Variants in KCNK3 observed in about 807,000 individuals in gnomAD.
The protein encoded by KCNK3 is potassium two pore domain channel subfamily K member 3.
In KCNK3, 9 loss-of-function variants were observed where a neutral mutation model predicts 27.3. The observed-to-expected ratio is 0.33, with a 90% CI of 0.20 to 0.57. The LOEUF is 0.57. Among genes scored for constraint, KCNK3 ranks in the 20% least tolerant of loss-of-function variants. KCNK3 has a pLI of 0.87. For synonymous variants in KCNK3, 278 were observed against 273.8 expected (o/e 1.02, Z -0.15); for missense variants, 391 against 577.7 (o/e 0.68, Z 3.31).
chr2:26,693,002 CTGCGGCAG>C lies in KCNK3; in HGVS notation c.128_135del (p.Leu43ProfsTer592). 1 of 1,577,560 alleles carries C rather than the reference CTGCGGCAG, an allele frequency of 6.3e-7. No individual in the cohort carries two copies. Among genetic ancestry groups the C allele is most frequent in the Non-Finnish European group, 8.6e-7 (1 of 1,167,278 alleles). ...GCTGATCGAGCGGCAGCGGCTGGAGCTGCGGCAGCAGGAGCTGCGGGCGCGCTACAACC... is the reference window on the plus strand; with the variant it reads ...GCTGATCGAGCGGCAGCGGCTGGAGCCAGGAGCTGCGGGCGCGCTACAACC... On this transcript the variant is annotated frameshift_variant, in exon 1 of 2. Transcript: ENST00000302909. LOFTEE classifies it high-confidence loss of function. This position sits in a 1 kb window ranked among gnomAD's most constrained non-coding sequence, Gnocchi z 5.5.
chr2:26,699,105 G>A (rs1298187810), intron 1 of KCNK3, among the ~76,000 whole-genome samples: 1 of 151,536 alleles, frequency 6.6e-6, no homozygotes, highest in Admixed American at 6.6e-5. Context: ...TTAAACCTGG[G>A]AGGCAGAGGT....
intron 1 of KCNK3, among the ~76,000 whole-genome samples, chr2:26,695,378 C>T (rs559712137): frequency 4.6e-5 from 7 of 152,212 alleles, no homozygotes; most frequent in African/African-American, 1.4e-4. Flanking sequence ...TGAGCCACTG[C>T]GCCTGGCTCT....
intron 1 of KCNK3, among the ~76,000 whole-genome samples, chr2:26,703,138 G>A (rs975374011): frequency 2.0e-5 from 3 of 152,068 alleles, no homozygotes; most frequent in Non-Finnish European, 2.9e-5. Context: ...AGGGCAGGCC[G>A]GAGCTCTCTT....
At chr2:26,716,536 T>C (rs1219175907) in intron 1 of KCNK3, among the ~76,000 whole-genome samples, 1 of 152,004 alleles carries the variant, frequency 6.6e-6, no homozygotes, top group Admixed American at 6.6e-5. Flanking sequence ...GGGGTGACTT[T>C]TGAAATGGGC....
Position 26,723,799 on chromosome 2 carries a change from C to T in KCNK3, c.284-3868C>T, listed in dbSNP as rs112721356. 8.1e-3 allele frequency among the ~76,000 whole-genome samples: 1,235 copies of T among 152,180 alleles called. 16 individuals are homozygous for T. The highest frequency in any genetic ancestry group is 0.028 in the African/African-American group (1,171 of 41,496). On this transcript the variant is annotated intron_variant, in intron 1 of 1. Transcript: ENST00000302909. The stretch of plus-strand genomic sequence containing the variant: ...AGGGAGAGGAGGCTGGGAGAGGAGG[C>T]GGTATGGATAGTCCTGGTAGTTTTC...
At chr2:26,701,641 T>C (rs1474322072) in intron 1 of KCNK3, among the ~76,000 whole-genome samples, 2 of 152,218 alleles carry the variant, frequency 1.3e-5, no homozygotes, top group Admixed American at 6.5e-5. Flanking sequence ...CAACACACAT[T>C]TTTTAAAAAC....
chr2:26,715,676 C>T (rs1438988031), intron 1 of KCNK3, among the ~76,000 whole-genome samples: 2 of 152,206 alleles, frequency 1.3e-5, no homozygotes, highest in Admixed American at 1.3e-4. Flanking sequence ...TCCATGTGCC[C>T]CTGAGGGCCG....
intron 1 of KCNK3, chr2:26,724,598 G>A: frequency 1.0e-6 from 1 of 985,436 alleles, no homozygotes; most frequent in Non-Finnish European, 1.2e-6. Context: ...GCCTGCGGTA[G>A]GAAGTGAGAT....
At chr2:26,711,526 T>A (rs1663108870) in intron 1 of KCNK3, among the ~76,000 whole-genome samples, 1 of 152,108 alleles carries the variant, frequency 6.6e-6, no homozygotes, top group Admixed American at 6.6e-5. Context: ...CCAGGCTGCC[T>A]GGAGTGAAGG....
chr2:26,711,339 G>A, intron 1 of KCNK3, among the ~76,000 whole-genome samples: 1 of 152,184 alleles, frequency 6.6e-6, no homozygotes, highest in East Asian at 1.9e-4. Flanking sequence ...TCAAGGAACA[G>A]CGTGATTAAC....
In KCNK3 at chr2:26,694,242, C is replaced by T. The variant is rs544801178; in HGVS notation, c.283+1084C>T. On this transcript the variant is annotated intron_variant, in intron 1 of 1. Transcript: ENST00000302909. ...CTCAAGAGCTCCTCCCCAGCCCCGA[C>T]GTGCTTGGATTCTGAGATGAAACCC... Among the ~76,000 whole-genome samples the T allele has an allele frequency of 5.3e-5, 8 of 152,310 alleles. No homozygotes were observed. In the East Asian group the frequency reaches 7.7e-4, roughly 15 times the overall value.
At chr2:26,719,404 C>T (rs181721260) in intron 1 of KCNK3, among the ~76,000 whole-genome samples, 1 of 152,270 alleles carries the variant, frequency 6.6e-6, no homozygotes, top group Admixed American at 6.5e-5. Context: ...GCCTCAGTAG[C>T]TCCCCTCATC....
intron 1 of KCNK3, among the ~76,000 whole-genome samples, chr2:26,717,482 G>A (rs1277540585): frequency 6.6e-6 from 1 of 152,222 alleles, no homozygotes; most frequent in Non-Finnish European, 1.5e-5. Flanking sequence ...GCATGTGGGG[G>A]AAAACTGGCA....
intron 1 of KCNK3, among the ~76,000 whole-genome samples, chr2:26,718,990 G>A (rs1663280731): frequency 6.6e-6 from 1 of 152,054 alleles, no homozygotes; most frequent in Admixed American, 6.6e-5. Flanking sequence ...AACATGATGT[G>A]GTAGTTTTCT....
intron 1 of KCNK3, among the ~76,000 whole-genome samples, chr2:26,709,542 G>T (rs1411735882): frequency 6.6e-6 from 1 of 152,178 alleles, no homozygotes; most frequent in Non-Finnish European, 1.5e-5. Context: ...TCTGCAGCAT[G>T]GCGGTCACCG....
In KCNK3 at chr2:26,727,887, C is replaced by G. The variant is rs1053068137; in HGVS notation, c.504C>G (p.Ile168Met). The G allele has an allele frequency of 3.1e-6, 5 of 1,614,104 alleles. No homozygotes were observed. The highest frequency in any genetic ancestry group is 3.4e-6 in the Non-Finnish European group (4 of 1,180,046). ...TGCTCATCGGCTTCTTCTCGTGCAT[C>G]AGCACGCTGTGCATCGGCGCCGCCG... is the stretch of plus-strand genomic sequence containing the variant. The part of the protein sequence containing the change: ...NMVLIGFFSC[I>M]STLCIGAAAF... The change falls in exon 2 of 2, where the codon ATC becomes ATG. Residue 168 changes from isoleucine to methionine, a missense_variant. Transcript: ENST00000302909.
chr2:26,728,390 C>G lies in KCNK3; in HGVS notation c.1007C>G (p.Ser336Cys), dbSNP rs1265336110. 1 of 1,607,072 alleles carries G rather than the reference C, an allele frequency of 6.2e-7. No homozygotes were observed. The highest frequency in any genetic ancestry group is 1.1e-5 in the South Asian group (1 of 90,334). The change falls in exon 2 of 2, where the codon TCC becomes TGC. Residue 336 changes from serine to cysteine, a missense_variant. By Grantham distance (112) the Ser-to-Cys change is moderately radical. Around this residue, in one of 4 missense-constraint regions of KCNK3, gnomAD observed 192 missense variants for 196.0 expected, o/e 0.98. Coordinates refer to ENST00000302909, the MANE Select transcript of KCNK3 (RefSeq NM_002246.3). Reference protein sequence around the residue: ...PMIIPRDLSTSDTCVEQSHSS... With the variant: ...PMIIPRDLSTCDTCVEQSHSS... ...ATCATCCCGCGGGACCTCTCCACGTCCGACACGTGCGTGGAGCAGAGCCAC... is the reference window on the plus strand; with the variant it reads ...ATCATCCCGCGGGACCTCTCCACGTGCGACACGTGCGTGGAGCAGAGCCAC...
chr2:26,714,757 A>G (rs2148264013), intron 1 of KCNK3, among the ~76,000 whole-genome samples: 1 of 151,454 alleles, frequency 6.6e-6, no homozygotes, highest in East Asian at 2.0e-4. Context: ...GTGGTGGCAC[A>G]CACCTGTAAT....
chr2:26,719,937 C>T (rs1026195768), intron 1 of KCNK3, among the ~76,000 whole-genome samples: 1 of 152,204 alleles, frequency 6.6e-6, no homozygotes, highest in Non-Finnish European at 1.5e-5. Flanking sequence ...CTAGTCCCTG[C>T]TCCTCTCTCA....
Sources: allele counts gnomAD v4.1 joint callset (sites outside exome capture counted in the v4.1 genomes callset), GRCh38; gene constraint gnomAD v4.1.1; regional missense constraint gnomAD v4.1.1; non-coding constraint Gnocchi (gnomAD v3.1); transcripts MANE v1.5; gene names NCBI Gene and HGNC (gene_info 2026-07-23, HGNC 2026-07-21).